Variants in MED12L observed in about 807,000 individuals in gnomAD.
MED12L encodes the protein mediator complex subunit 12L.
MED12L carries 60 observed loss-of-function variants against 281.3 expected under a neutral mutation model. The observed-to-expected ratio is 0.21, with a 90% confidence interval of 0.17 to 0.26. The LOEUF is 0.26. MED12L is among the 10% of genes least tolerant of loss of function. The probability of loss-of-function intolerance (pLI) is 1.00; values close to 1 mark genes in which losing one functional copy is unlikely to be tolerated. For missense variants in MED12L, 2,146 were observed against 2,680.9 expected (o/e 0.80, Z 4.41); for synonymous variants, 974 against 987.2 (o/e 0.99, Z 0.25).
At chr3:151,390,926 G>A (rs1029362292) in intron 38 of MED12L, among the ~76,000 whole-genome samples, 6 of 152,120 alleles carry the variant, frequency 3.9e-5, no homozygotes, top group Non-Finnish European at 5.9e-5. Context: ...GTAGTTAAGC[G>A]TTTTAGATTC....
chr3:151,129,730 TG>T (rs1715092015), intron 5 of MED12L, among the ~76,000 whole-genome samples: 1 of 151,542 alleles, frequency 6.6e-6, no homozygotes, highest in African/African-American at 2.4e-5. Flanking sequence ...TGTGTGTGTG[TG>T]TGTGTGTGTG....
At chr3:151,413,989 A>C (rs1717264218) in intron 42 of MED12L, among the ~76,000 whole-genome samples, 1 of 151,352 alleles carries the variant, frequency 6.6e-6, no homozygotes, top group South Asian at 2.1e-4. Context: ...AGCAGGGATT[A>C]CAGGCGCCCA....
rs142940535 is a variant in MED12L at position 151,207,141 on chromosome 3, C to T, written c.2250+13475C>T. Among the ~76,000 whole-genome samples, 1,080 of 151,660 alleles carry T rather than the reference C, an allele frequency of 7.1e-3. 5 individuals carry two copies. Among genetic ancestry groups the T allele is most frequent in the Non-Finnish European group, 0.011 (743 of 67,914 alleles). ...GGTCTAATCATAGCTTGCTGCAGTCCCAGACTCCTTGGCTCAAGCAATCCT... is the reference window on the plus strand; with the variant it reads ...GGTCTAATCATAGCTTGCTGCAGTCTCAGACTCCTTGGCTCAAGCAATCCT... On this transcript the variant is annotated intron_variant, in intron 16 of 44. Transcript: ENST00000687756.
chr3:151,405,576 G>T (rs1022468510), intron 39 of MED12L, among the ~76,000 whole-genome samples: 1 of 152,094 alleles, frequency 6.6e-6, no homozygotes, highest in Admixed American at 6.5e-5. Flanking sequence ...ATTTGAGGCC[G>T]CAGTGAAGTA....
At chr3:151,372,401 T>C (rs1457557223) in intron 26 of MED12L, among the ~76,000 whole-genome samples, 166 bp from the exon 27 acceptor site, 7 of 152,236 alleles carry the variant, frequency 4.6e-5, no homozygotes, top group African/African-American at 1.7e-4. Flanking sequence ...TCTGGGTTCA[T>C]GCATTTATGC....
At chr3:151,138,099 G>C (rs1385532001) in intron 5 of MED12L, among the ~76,000 whole-genome samples, 1 of 151,852 alleles carries the variant, frequency 6.6e-6, no homozygotes, top group Non-Finnish European at 1.5e-5. Flanking sequence ...CAAAAAATAT[G>C]CAAATACTTA....
In MED12L at chr3:151,160,053, C is replaced by G; in HGVS notation, c.1059C>G (p.Ser353=). The G allele has an allele frequency of 6.2e-7, 1 of 1,614,116 alleles. No individual in the cohort carries two copies. Among genetic ancestry groups the G allele is most frequent in the African/African-American group, 1.3e-5 (1 of 75,054 alleles). ...PVQLAFSDFL[S]CAQHGPLVYG... is the part of the protein sequence containing the mutation. Reference sequence around the variant, plus strand: ...AGCTGGCCTTCTCAGATTTTCTTTCCTGTGCACAGCATGGTCCCCTGGTTT... The same window carrying G: ...AGCTGGCCTTCTCAGATTTTCTTTCGTGTGCACAGCATGGTCCCCTGGTTT... The change falls in exon 8 of 45, where the codon TCC becomes TCG. Residue 353 remains serine, a synonymous_variant. Transcript: ENST00000687756.
chr3:151,255,964 T>C (rs1737737647), intron 16 of MED12L, among the ~76,000 whole-genome samples: 2 of 152,226 alleles, frequency 1.3e-5, no homozygotes, highest in South Asian at 2.1e-4. Context: ...TTTCTTACTA[T>C]AATGCCTAGC....
rs1273280998 is a variant in MED12L at position 151,185,478 on chromosome 3, T to C, written c.1626+17T>C. ...GAGGCAGAGGTAGGTTCCATTTTCTTTCTGCTTGTTGAATGCCGTAATGTA... is the reference window on the plus strand; with the variant it reads ...GAGGCAGAGGTAGGTTCCATTTTCTCTCTGCTTGTTGAATGCCGTAATGTA... On this transcript the variant is annotated intron_variant, in intron 12 of 44. Transcript: ENST00000687756. The C allele has an allele frequency of 6.2e-7, 1 of 1,613,262 alleles. No homozygotes were observed. Among genetic ancestry groups the C allele is most frequent in the East Asian group, 2.2e-5 (1 of 44,820 alleles).
chr3:151,342,506 A>G (rs1364324141), intron 16 of MED12L, among the ~76,000 whole-genome samples: 1 of 152,204 alleles, frequency 6.6e-6, no homozygotes, highest in Non-Finnish European at 1.5e-5. Flanking sequence ...AATCTAGCTG[A>G]GTGAATAAAA....
intron 16 of MED12L, among the ~76,000 whole-genome samples, chr3:151,345,504 C>T (rs201841274): frequency 6.9e-6 from 1 of 143,956 alleles, no homozygotes; most frequent in Non-Finnish European, 1.5e-5. Context: ...CGTTTTCTTT[C>T]TTTTTTCTTT....
intron 26 of MED12L, among the ~76,000 whole-genome samples, chr3:151,370,804 T>C (rs1756083954): frequency 6.6e-6 from 1 of 152,200 alleles, no homozygotes; most frequent in Admixed American, 6.5e-5. Context: ...GAAGTGTGAA[T>C]CTATAAATGA....
chr3:151,186,712 A>C (rs1265722715), intron 12 of MED12L, among the ~76,000 whole-genome samples: 1 of 152,164 alleles, frequency 6.6e-6, no homozygotes, highest in Non-Finnish European at 1.5e-5. Flanking sequence ...CACGTGATCA[A>C]AGTTAACAGC....
intron 16 of MED12L, among the ~76,000 whole-genome samples, chr3:151,312,995 A>G (rs1747750716): frequency 6.6e-6 from 1 of 152,212 alleles, no homozygotes; most frequent in African/African-American, 2.4e-5. Context: ...AAAAAACCTG[A>G]GGCTTAGAGA....
At chr3:151,338,350 G>T in intron 16 of MED12L, 1 of 1,614,104 alleles carries the variant, frequency 6.2e-7, no homozygotes, top group Non-Finnish European at 8.5e-7. Flanking sequence ...TCTCTCGGCT[G>T]CCTGTTGGTC....
intron 16 of MED12L, chr3:151,336,548 G>T (rs1378729426): frequency 2.2e-6 from 1 of 456,298 alleles, no homozygotes; most frequent in East Asian, 6.9e-5. Flanking sequence ...AGTCACCTCT[G>T]AGGATCATAA....
Position 151,212,547 on chromosome 3 carries a change from A to T in MED12L, c.2250+18881A>T, listed in dbSNP as rs1345300915. ...GGGGAAGTTGCTGATAACGTATGCC[A>T]ATATTTAGTTTCTCTCAGTAAAGCC... is the stretch of plus-strand genomic sequence containing the variant. On this transcript the variant is annotated intron_variant, in intron 16 of 44. Coordinates refer to ENST00000687756, the MANE Select transcript of MED12L (RefSeq NM_001393769.1). The T allele has an allele frequency of 2.0e-5, 3 of 152,100 alleles. No homozygotes were observed. The South Asian group carries it at 6.2e-4, about 31-fold the overall frequency. 9.4% of individuals were successfully genotyped at this position (152,100 alleles called of 1,614,324 possible).
At chr3:151,149,577 G>A (rs990097458) in intron 5 of MED12L, among the ~76,000 whole-genome samples, 13 of 152,152 alleles carry the variant, frequency 8.5e-5, no homozygotes, top group African/African-American at 3.1e-4. Context: ...GCTGCTGGAG[G>A]TTGGGGGTGG....
At chr3:151,194,054 C>T (rs1190893081) in intron 16 of MED12L, among the ~76,000 whole-genome samples, 1 of 151,150 alleles carries the variant, frequency 6.6e-6, no homozygotes, top group Non-Finnish European at 1.5e-5. Flanking sequence ...CAACCTCTGC[C>T]TCCCAGGTTC....
Sources: gnomAD v4.1 joint callset for allele counts (sites outside exome capture counted in the v4.1 genomes callset) on GRCh38, gnomAD v4.1.1 for gene constraint, MANE v1.5 for transcripts, NCBI Gene and HGNC (gene_info 2026-07-23, HGNC 2026-07-21) for gene names.